Variants in DSC3 observed in about 807,000 individuals in gnomAD.
The protein encoded by DSC3 is desmocollin 3, also known as desmocollin-3.
DSC3 carries 97 observed loss-of-function variants against 89.5 expected under a neutral mutation model. The observed-to-expected ratio is 1.08, with a 90% CI of 0.92 to 1.28. The LOEUF is 1.28. Ranked by LOEUF, DSC3 falls within the 50% of genes most tolerant of loss-of-function variation. The pLI is 0.00. For synonymous variants in DSC3, 436 were observed against 384.1 expected (o/e 1.14, Z -1.58); for missense variants, 1,199 against 1,085.3 (o/e 1.10, Z -1.47).
chr18:30,989,551 T>C lies in DSC3; in HGVS notation c.*4624A>G, dbSNP rs1984163489. Among the ~76,000 whole-genome samples the C allele has an allele frequency of 6.6e-6, 1 of 152,204 alleles. No homozygotes were observed. The highest frequency in any genetic ancestry group is 1.5e-5 in the Non-Finnish European group (1 of 68,020). ...GGTAACAGTTTCACAACATTTTAAA[T>C]GTACTAAAGTCACTGAATTATACAC... On this transcript the variant is annotated 3_prime_UTR_variant, in exon 16 of 16. Transcript: ENST00000360428.
At position 31,032,960 on chromosome 18, in the gene DSC3, A is replaced by T. The variant is rs556481722; in HGVS notation, c.70-684T>A. ...CTAGGAATCCACTAAAAAACTGTCT[A>T]AATAAATGAGTTCAGTAAGGCTACA... On this transcript the variant is annotated intron_variant, in intron 1 of 15. Coordinates refer to ENST00000360428, the MANE Select transcript of DSC3 (RefSeq NM_001941.5). 6.6e-5 allele frequency among the ~76,000 whole-genome samples: 10 copies of T among 152,316 alleles called. No homozygotes were observed. In the East Asian group the frequency reaches 1.9e-3, roughly 29 times the overall value.
chr18:31,013,684 T>C (rs1985143167), intron 9 of DSC3, among the ~76,000 whole-genome samples: 1 of 152,146 alleles, frequency 6.6e-6, no homozygotes, highest in Non-Finnish European at 1.5e-5. Flanking sequence ...ATAAAAGGAA[T>C]GCTCAGCTAC....
intron 9 of DSC3, among the ~76,000 whole-genome samples, chr18:31,012,372 C>T (rs8090954): frequency 0.052 from 7,976 of 152,112 alleles, 684 homozygotes; most frequent in African/African-American, 0.18. Context: ...GGAAAAGAGG[C>T]GACATAAGAG....
chr18:31,001,537 C>T (rs973672259), intron 14 of DSC3, 81 bp downstream of exon 14: 32 of 1,492,568 alleles, frequency 2.1e-5, no homozygotes, highest in East Asian at 4.7e-5. Context: ...TATAAATTAA[C>T]TCCTAAATTT....
rs1230208694 is a variant in DSC3, at chr18:30,993,130, A to T, written c.*1045T>A. 1 of 152,214 alleles carries T rather than the reference A, an allele frequency of 6.6e-6. No individual in the cohort carries two copies. Among genetic ancestry groups the T allele is most frequent in the African/African-American group, 2.4e-5 (1 of 41,454 alleles). The allele number at this position is 152,214 out of a possible 1,614,324, so 9.4% of individuals were successfully genotyped here. A position where few individuals can be genotyped will look rare whatever the true frequency, so the allele number is the denominator to read the frequency against. ...AAAGATGTTGGTCACTATAAGAGAG[A>T]ATAGAAACAGCAATAGAGGATTTAA... On this transcript the variant is annotated 3_prime_UTR_variant, in exon 16 of 16. Coordinates refer to ENST00000360428, the MANE Select transcript of DSC3 (RefSeq NM_001941.5).
intron 1 of DSC3, among the ~76,000 whole-genome samples, chr18:31,040,808 T>G (rs557885626): frequency 6.6e-6 from 1 of 152,090 alleles, no homozygotes; most frequent in Non-Finnish European, 1.5e-5. Context: ...TATTGAAAAG[T>G]TGAGAGTCGT....
At chr18:31,040,418 A>G (rs978137884) in intron 1 of DSC3, among the ~76,000 whole-genome samples, 6 of 152,342 alleles carry the variant, frequency 3.9e-5, no homozygotes, top group Non-Finnish European at 8.8e-5. Flanking sequence ...TTAAGAGGAA[A>G]AAACACTTTC....
chr18:31,039,531 T>C (rs1272048187), intron 1 of DSC3, among the ~76,000 whole-genome samples: 1 of 152,188 alleles, frequency 6.6e-6, no homozygotes, highest in Non-Finnish European at 1.5e-5. Flanking sequence ...ACCTTTCAAA[T>C]TCTTACCACT....
At chr18:31,019,684 C>T (rs1359727225) in intron 7 of DSC3, among the ~76,000 whole-genome samples, 1 of 152,152 alleles carries the variant, frequency 6.6e-6, no homozygotes, top group African/African-American at 2.4e-5. Context: ...TCCCAAGCTA[C>T]TTGAGGTGCT....
In DSC3 at chr18:31,030,977, T is replaced by C. The variant is rs751062795; in HGVS notation, c.350A>G (p.Lys117Arg). The C allele has an allele frequency of 3.1e-6, 5 of 1,613,190 alleles. No individual in the cohort carries two copies. The East Asian group carries it at 8.9e-5, about 29-fold the overall frequency. ...TATTTAATGTACTTTAAATACCTTC[T>C]TCTGATGTTCTAGCAGCACAGTAAC... ...KEVTVLLEHQ[K>R]KVSKTRHTRE... Residue 117 changes from lysine (K) to arginine (R), a missense_variant, in exon 3 of 16, where the codon AAG becomes AGG. Transcript: ENST00000360428.
intron 9 of DSC3, among the ~76,000 whole-genome samples, chr18:31,012,237 G>A (rs1205033296): frequency 1.3e-5 from 2 of 152,140 alleles, no homozygotes; most frequent in East Asian, 3.9e-4. Flanking sequence ...AGCTAGTAAT[G>A]TCAGAAGAAA....
Position 30,997,068 on chromosome 18 carries a change from T to A in DSC3, c.2236-20A>T, listed in dbSNP as rs1282440728. The stretch of plus-strand genomic sequence containing the variant: ...AGAGCACTGAAATAATAAAATGAAA[T>A]AATTCATGTTGAGAGGAAATGGATT... On this transcript the variant is annotated intron_variant, in intron 14 of 15. Transcript: ENST00000360428. 1.9e-6 allele frequency: 3 copies of A among 1,613,984 alleles called. No individual in the cohort carries two copies. In the Admixed American group the frequency reaches 5.0e-5, roughly 27 times the overall value.
At chr18:31,030,692 G>C (rs975945028) in intron 3 of DSC3, among the ~76,000 whole-genome samples, 13 of 151,496 alleles carry the variant, frequency 8.6e-5, no homozygotes, top group African/African-American at 3.2e-4. Flanking sequence ...TAGAGAGAAG[G>C]ATAGAAAAAG....
At chr18:31,038,569 C>A (rs1289340864) in intron 1 of DSC3, among the ~76,000 whole-genome samples, 1 of 152,032 alleles carries the variant, frequency 6.6e-6, no homozygotes, top group Admixed American at 6.6e-5. Context: ...TTTATGTATG[C>A]CTTTTCTATT....
chr18:31,018,257 C>G lies in DSC3; in HGVS notation c.1078-1G>C. 6.2e-7 allele frequency: 1 copy of G among 1,605,922 alleles called. No homozygotes were observed. The highest frequency in any genetic ancestry group is 8.5e-7 in the Non-Finnish European group (1 of 1,176,780). On this transcript the variant is annotated splice_acceptor_variant, in intron 8 of 15. Coordinates refer to ENST00000360428, the MANE Select transcript of DSC3 (RefSeq NM_001941.5). LOFTEE classifies it high-confidence loss of function. ...CATTTTCCTCTACAAATGCTTCATA[C>G]TGAAACAGAAAGAAGTCATTGAAAA... is the stretch of plus-strand genomic sequence containing the variant.
At chr18:31,036,798 C>CTTTTTTTT (rs775187201) in intron 1 of DSC3, among the ~76,000 whole-genome samples, 1 of 107,424 alleles carries the variant, frequency 9.3e-6, no homozygotes, top group African/African-American at 3.6e-5. Flanking sequence ...TTCTTTCTTC[C>CTTTTTTTT]TTTTTTTTTT....
rs1432641449 is a variant in DSC3 at position 31,029,499 on chromosome 18, G to A, written c.474+10C>T. ...TAAAGCAACCCTGACCAGAAAAGGT[G>A]TAAACCTACTTGTTGAAGAAACAAT... On this transcript the variant is annotated intron_variant, in intron 4 of 15. Coordinates refer to ENST00000360428, the MANE Select transcript of DSC3 (RefSeq NM_001941.5). 7.4e-6 allele frequency: 12 copies of A among 1,613,534 alleles called. No homozygotes were observed. Among genetic ancestry groups the A allele is most frequent in the African/African-American group, 1.3e-5 (1 of 74,930 alleles).
chr18:31,032,296 A>G lies in DSC3; in HGVS notation c.70-20T>C, dbSNP rs199839758. The G allele has an allele frequency of 1.3e-6, 2 of 1,548,814 alleles. No homozygotes were observed. The highest frequency in any genetic ancestry group is 2.2e-5 in the East Asian group (1 of 44,522). On this transcript the variant is annotated intron_variant, in intron 1 of 15. Transcript: ENST00000360428. ...GAAGATCTAGAATTTAAAAGGTCAC[A>G]TTAATACAGTAGAAAATAAAGATTA...
Position 31,008,454 on chromosome 18 carries a change from T to G in DSC3, c.1335A>C (p.Arg445Ser), listed in dbSNP as rs373258373. The G allele has an allele frequency of 4.3e-6, 7 of 1,614,200 alleles. No homozygotes were observed. The highest frequency in any genetic ancestry group is 1.7e-5 in the Admixed American group (1 of 60,030). Reference sequence around the variant, plus strand: ...TCAAGGCTGTCACTCTGGGAATATCTCTAGCAAATGGCGCTTCATTGTTTA... The same window carrying G: ...TCAAGGCTGTCACTCTGGGAATATCGCTAGCAAATGGCGCTTCATTGTTTA... ...IGVNNEAPFA[R>S]DIPRVTALNR... Residue 445 changes from arginine (R) to serine (S), a missense_variant, in exon 10 of 16, where the codon AGA becomes AGC. Arg to Ser is a moderately radical substitution (Grantham distance 110). Coordinates refer to ENST00000360428, the MANE Select transcript of DSC3 (RefSeq NM_001941.5).
Sources: gnomAD v4.1 joint callset for allele counts (sites outside exome capture counted in the v4.1 genomes callset) on GRCh38, gnomAD v4.1.1 for gene constraint, MANE v1.5 for transcripts, NCBI Gene and HGNC (gene_info 2026-07-23, HGNC 2026-07-21) for gene names.